ATP2B1: variants seen among roughly 807,000 people sequenced by gnomAD.
ATP2B1 encodes the protein plasma membrane calcium-transporting ATPase 1.
In ATP2B1, 14 loss-of-function variants were observed where a neutral mutation model predicts 124.2. The observed-to-expected ratio is 0.11, with a 90% CI of 0.07 to 0.18. ATP2B1 has a LOEUF of 0.18. ATP2B1 is among the 10% of genes least tolerant of loss of function. The probability of loss-of-function intolerance (pLI) is 1.00; values close to 1 mark genes in which losing one functional copy is unlikely to be tolerated. For synonymous variants in ATP2B1, 449 were observed against 492.4 expected (o/e 0.91, Z 1.17); for missense variants, 763 against 1,466.1 (o/e 0.52, Z 7.83).
At chr12:89,632,651 A>T (rs964250085) in intron 5 of ATP2B1, among the ~76,000 whole-genome samples, 3 of 152,186 alleles carry the variant, frequency 2.0e-5, no homozygotes, top group Non-Finnish European at 4.4e-5. Flanking sequence ...TTAAAAATCT[A>T]AACTTAAGAA....
rs565896741 is a variant in ATP2B1, at chr12:89,704,913, T to C, written c.-222+3683A>G. On this transcript the variant is annotated intron_variant, in intron 1 of 20. Transcript: ENST00000428670. ...ATTAGATATTGGACACTATTGAGTA[T>C]ACCGTATTCTGAAAAATACAAATAC... Among the ~76,000 whole-genome samples the C allele has an allele frequency of 2.2e-3, 342 of 152,300 alleles. 3 individuals are homozygous for C. The highest frequency in any genetic ancestry group is 4.3e-3 in the Non-Finnish European group (295 of 67,988).
intron 2 of ATP2B1, among the ~76,000 whole-genome samples, chr12:89,643,091 C>CGTAT (rs1883838390): frequency 6.8e-6 from 1 of 146,732 alleles, no homozygotes; most frequent in Admixed American, 6.8e-5. Flanking sequence ...CACACACACA[C>CGTAT]ATATATACAT....
intron 8 of ATP2B1, 42 bp downstream of exon 8, chr12:89,626,412 T>A: frequency 6.5e-7 from 1 of 1,535,206 alleles, no homozygotes; most frequent in South Asian, 1.3e-5. Flanking sequence ...GCAGAAAGCA[T>A]ACTTAAAAAT....
chr12:89,628,472 G>GACAAAA (rs1470872190), intron 6 of ATP2B1, among the ~76,000 whole-genome samples: 3 of 147,520 alleles, frequency 2.0e-5, no homozygotes, highest in Non-Finnish European at 4.5e-5. Context: ...TGAGAGTGAG[G>GACAAAA]ACAAAATATG....
intron 1 of ATP2B1, among the ~76,000 whole-genome samples, chr12:89,704,650 G>T (rs1353485531): frequency 6.6e-6 from 1 of 152,048 alleles, no homozygotes; most frequent in Non-Finnish European, 1.5e-5. Flanking sequence ...AAGTACAATT[G>T]TCTGCCTTAC....
chr12:89,634,650 A>G (rs1882403839), intron 5 of ATP2B1, 128 bp downstream of exon 5: 5 of 1,027,876 alleles, frequency 4.9e-6, no homozygotes, highest in South Asian at 2.3e-5. Flanking sequence ...AAGGATTACA[A>G]CAGTAGAAGG....
At chr12:89,611,119 ATG>A in intron 13 of ATP2B1, 72 bp downstream of exon 13, 1 of 1,359,870 alleles carries the variant, frequency 7.4e-7, no homozygotes, top group Non-Finnish European at 9.9e-7. Flanking sequence ...CATATTCAAT[ATG>A]TGTTTGTTGA....
chr12:89,626,654 A>C, intron 7 of ATP2B1, 39 bp from the exon 8 acceptor site: 1 of 1,548,170 alleles, frequency 6.5e-7, no homozygotes, highest in Non-Finnish European at 8.7e-7. Flanking sequence ...TATACTTTAA[A>C]GGCACATATC....
At chr12:89,703,715 G>A (rs1892126064) in intron 1 of ATP2B1, among the ~76,000 whole-genome samples, 1 of 152,036 alleles carries the variant, frequency 6.6e-6, no homozygotes, top group Admixed American at 6.6e-5. Context: ...TGGATCTTCT[G>A]AAAGACTGGG....
At chr12:89,642,135 CT>C (rs755662693) in intron 3 of ATP2B1, 22 bp downstream of exon 3, 20 of 1,588,588 alleles carry the variant, frequency 1.3e-5, no homozygotes, top group East Asian at 4.5e-5. Context: ...TCAGACATGT[CT>C]TTTTTCCCCC....
At chr12:89,617,723 C>T (rs940572189) in intron 11 of ATP2B1, among the ~76,000 whole-genome samples, 3 of 152,106 alleles carry the variant, frequency 2.0e-5, no homozygotes, top group African/African-American at 7.2e-5. Flanking sequence ...CCCAAATCCA[C>T]ATCTTCTGTT....
At chr12:89,659,374 A>ACACG (rs1322586343) in intron 1 of ATP2B1, among the ~76,000 whole-genome samples, 19 of 152,092 alleles carry the variant, frequency 1.2e-4, no homozygotes, top group African/African-American at 3.4e-4. Flanking sequence ...ACACACACAC[A>ACACG]CACACACACG....
intron 20 of ATP2B1, among the ~76,000 whole-genome samples, chr12:89,595,940 A>G (rs1262025315): frequency 3.3e-5 from 5 of 152,144 alleles, no homozygotes; most frequent in East Asian, 1.9e-4. Flanking sequence ...TCCCTGAAGT[A>G]TCTGCTCCCC....
At chr12:89,629,414 C>T (rs1182347402) in intron 6 of ATP2B1, among the ~76,000 whole-genome samples, 4 of 152,070 alleles carry the variant, frequency 2.6e-5, no homozygotes, top group Non-Finnish European at 5.9e-5. Context: ...TTTCAAACTG[C>T]GTTCTACTCA....
chr12:89,692,425 G>A (rs1890656729), intron 1 of ATP2B1, among the ~76,000 whole-genome samples: 1 of 152,266 alleles, frequency 6.6e-6, no homozygotes, highest in South Asian at 2.1e-4. Context: ...CCCTATATCT[G>A]CATGGGTTTT....
At chr12:89,625,482 G>A (rs1189855104) in intron 8 of ATP2B1, among the ~76,000 whole-genome samples, 1 of 151,678 alleles carries the variant, frequency 6.6e-6, no homozygotes, top group African/African-American at 2.4e-5. Context: ...TACTTCGGGG[G>A]TGGAGGCAGG....
chr12:89,600,050 G>T (rs1167274814), intron 19 of ATP2B1, among the ~76,000 whole-genome samples: 1 of 152,112 alleles, frequency 6.6e-6, no homozygotes. Context: ...CTTGCTCATG[G>T]AGTGACTAGG....
At chr12:89,642,395 C>T in intron 2 of ATP2B1, 40 bp from the exon 3 acceptor site, 1 of 1,533,336 alleles carries the variant, frequency 6.5e-7, no homozygotes, top group Non-Finnish European at 8.9e-7. Context: ...AGTTTTACTT[C>T]TTACAAATGA....
intron 1 of ATP2B1, among the ~76,000 whole-genome samples, chr12:89,672,639 C>G (rs1888136824): frequency 6.6e-6 from 1 of 152,026 alleles, no homozygotes; most frequent in South Asian, 2.1e-4. Context: ...CTGACCCTTC[C>G]TTCTCTGTGT....
Sources: gnomAD v4.1 joint callset for allele counts (sites outside exome capture counted in the v4.1 genomes callset) on GRCh38, gnomAD v4.1.1 for gene constraint, MANE v1.5 for transcripts, NCBI Gene and HGNC (gene_info 2026-07-23, HGNC 2026-07-21) for gene names.